Variants in TNPO3 observed in about 807,000 individuals in gnomAD.
The protein encoded by TNPO3 is transportin-3.
Under a neutral mutation model 122.8 loss-of-function variants are expected in TNPO3, and 65 were observed. That is an observed-to-expected ratio of 0.53 (90% confidence interval 0.43 to 0.65). The LOEUF is 0.65. Ranked by LOEUF, TNPO3 falls within the 30% of genes least tolerant of loss-of-function variation. The probability of loss-of-function intolerance (pLI) is 0.00; values close to 1 mark genes in which losing one functional copy is unlikely to be tolerated. For missense variants in TNPO3, 850 were observed against 1,136.7 expected (o/e 0.75, Z 3.63); for synonymous variants, 372 against 411.2 (o/e 0.90, Z 1.15).
intron 1 of TNPO3, among the ~76,000 whole-genome samples, chr7:129,054,078 T>C (rs992682934): frequency 5.3e-5 from 8 of 152,196 alleles, no homozygotes; most frequent in African/African-American, 1.9e-4. Context: ...GAAAGCAGAA[T>C]TACTGTTTTT....
chr7:128,989,856 C>T (rs528882879), intron 11 of TNPO3, 105 bp downstream of exon 11: 66 of 1,271,802 alleles, frequency 5.2e-5, no homozygotes, highest in South Asian at 3.7e-4. Context: ...ATAAACACTC[C>T]GTGTTAAAAA....
intron 1 of TNPO3, among the ~76,000 whole-genome samples, chr7:129,036,135 A>G (rs536158295): frequency 2.0e-5 from 3 of 151,490 alleles, no homozygotes; most frequent in Non-Finnish European, 4.4e-5. Flanking sequence ...TGTATTTTTA[A>G]TAGAGACGGG....
chr7:129,013,434 C>CAAAAA lies in TNPO3; in HGVS notation c.552+1540_552+1544dup, dbSNP rs3993440. Among the ~76,000 whole-genome samples the CAAAAA allele has an allele frequency of 7.7e-3, 984 of 127,668 alleles. 3 individuals are homozygous for CAAAAA. The highest frequency in any genetic ancestry group is 0.012 in the Middle Eastern group (3 of 252). 83.8% of individuals were successfully genotyped at this position (127,668 alleles called of 152,430 possible). ...AATATATAAGAAACCCAAATAATAG[C>CAAAAA]AAAAAAAAAAAAAAATTAAAAATTA... On this transcript the variant is annotated intron_variant, in intron 4 of 22. Transcript: ENST00000265388.
chr7:128,972,405 T>C (rs1205748807), intron 19 of TNPO3, 21 bp downstream of exon 19: 7 of 1,598,068 alleles, frequency 4.4e-6, no homozygotes, highest in Non-Finnish European at 5.1e-6. Flanking sequence ...TAAGTAGAAA[T>C]GGTATCATTT....
chr7:128,958,804 T>C (rs1797159629), intron 21 of TNPO3, among the ~76,000 whole-genome samples: 1 of 152,148 alleles, frequency 6.6e-6, no homozygotes, highest in South Asian at 2.1e-4. Flanking sequence ...CAGTGGCTCA[T>C]GCTTGTAATC....
chr7:129,027,515 C>T (rs925957747), intron 1 of TNPO3, among the ~76,000 whole-genome samples: 62 of 117,628 alleles, frequency 5.3e-4, no homozygotes, highest in African/African-American at 1.9e-3. Context: ...GAGCCAAGAA[C>T]ACACTACTGC....
At chr7:129,052,972 C>T (rs182097475) in intron 1 of TNPO3, among the ~76,000 whole-genome samples, 12 of 152,108 alleles carry the variant, frequency 7.9e-5, no homozygotes, top group Non-Finnish European at 1.6e-4. Context: ...TACAGTGAGT[C>T]GTATTCCTTT....
intron 1 of TNPO3, among the ~76,000 whole-genome samples, chr7:129,043,494 G>A (rs549162596): frequency 2.0e-5 from 3 of 152,258 alleles, no homozygotes; most frequent in East Asian, 3.9e-4. Context: ...CGGATTCTTT[G>A]AAATCCCAGA....
At position 129,054,826 on chromosome 7, in the gene TNPO3, C is replaced by G; in HGVS notation, c.-56G>C. On this transcript the variant is annotated 5_prime_UTR_variant, in exon 1 of 23. Transcript: ENST00000265388. ...TCTGATTCTTCTCCGGAGGATTCCTCGGTTGCTCCGCCTTCGCGCTTCCTC... is the reference window on the plus strand; with the variant it reads ...TCTGATTCTTCTCCGGAGGATTCCTGGGTTGCTCCGCCTTCGCGCTTCCTC... 1.2e-6 allele frequency: 2 copies of G among 1,610,306 alleles called. No individual in the cohort carries two copies. The highest frequency in any genetic ancestry group is 1.7e-6 in the Non-Finnish European group (2 of 1,178,202).
chr7:128,980,058 G>A, intron 14 of TNPO3, 27 bp from the exon 15 acceptor site: 1 of 1,610,690 alleles, frequency 6.2e-7, no homozygotes, highest in Non-Finnish European at 8.5e-7. Flanking sequence ...GCCCAAAATA[G>A]TGAACAAAGA....
intron 1 of TNPO3, among the ~76,000 whole-genome samples, chr7:129,045,115 T>G (rs1051449513): frequency 1.3e-5 from 2 of 152,204 alleles, no homozygotes; most frequent in Non-Finnish European, 2.9e-5. Flanking sequence ...GGCTAAATAC[T>G]GTATGATTCC....
chr7:129,046,144 C>G (rs1808012902), intron 1 of TNPO3, among the ~76,000 whole-genome samples: 2 of 122,476 alleles, frequency 1.6e-5, no homozygotes, highest in Admixed American at 1.1e-4. Flanking sequence ...TGCAGTGAGC[C>G]AAGATTGCAC....
chr7:128,967,686 T>C (rs1798057766), intron 20 of TNPO3, among the ~76,000 whole-genome samples: 1 of 152,238 alleles, frequency 6.6e-6, no homozygotes, highest in Admixed American at 6.5e-5. Context: ...GCTATTGTTT[T>C]GTTCCTGTCA....
chr7:128,991,922 T>G, intron 10 of TNPO3, 77 bp downstream of exon 10: 1 of 1,041,702 alleles, frequency 9.6e-7, no homozygotes, highest in Non-Finnish European at 1.4e-6. Context: ...ATATACCATA[T>G]AAGAAAAAAA....
In TNPO3 at chr7:128,991,917, C is replaced by A. The variant is rs991077310; in HGVS notation, c.1358+82G>T. 6.4e-6 allele frequency: 6 copies of A among 940,584 alleles called. No individual in the cohort carries two copies. The African/African-American group carries it at 8.5e-5, about 13-fold the overall frequency. The allele number at this position is 940,584 out of a possible 1,614,324, so 58.3% of individuals were successfully genotyped here. ...AGTTCTGAAAGTCTCCAGGTATATACCATATAAGAAAAAAAAAATAGTGTC... is the reference window on the plus strand; with the variant it reads ...AGTTCTGAAAGTCTCCAGGTATATAACATATAAGAAAAAAAAAATAGTGTC... On this transcript the variant is annotated intron_variant, in intron 10 of 22. Transcript: ENST00000265388.
Position 128,974,945 on chromosome 7 carries a change from G to A in TNPO3, c.2196C>T (p.Thr732=), listed in dbSNP as rs758436476. 4 of 1,614,170 alleles carry A rather than the reference G, an allele frequency of 2.5e-6. No individual in the cohort carries two copies. In the East Asian group the frequency reaches 6.7e-5, roughly 27 times the overall value. ...LDMLQALCIP[T]FQLLEQQNGL... ...CATTCTGCTGTTCTAGGAGCTGAAA[G>A]GTGGGGATGCACAGTGCCTAAAACA... The change falls in exon 18 of 23, where the codon ACC becomes ACT. Residue 732 remains threonine (T), a synonymous_variant. Coordinates refer to ENST00000265388, the MANE Select transcript of TNPO3 (RefSeq NM_012470.4).
chr7:129,054,853 CTG>C lies in TNPO3; in HGVS notation c.-85_-84del. On this transcript the variant is annotated 5_prime_UTR_variant, in exon 1 of 23. It removes the in-frame stop codon of an upstream open reading frame in the 5' UTR. Transcript: ENST00000265388. Reference sequence around the variant, plus strand: ...GTTGCTCCGCCTTCGCGCTTCCTCACTGTCTGGGCCACGGCCGCTCCCTGACT... The same window carrying C: ...GTTGCTCCGCCTTCGCGCTTCCTCACTCTGGGCCACGGCCGCTCCCTGACT... 1 of 1,587,864 alleles carries C rather than the reference CTG, an allele frequency of 6.3e-7. No homozygotes were observed. The highest frequency in any genetic ancestry group is 8.6e-7 in the Non-Finnish European group (1 of 1,163,568).
intron 1 of TNPO3, among the ~76,000 whole-genome samples, chr7:129,038,499 T>C (rs1210573050): frequency 1.3e-5 from 2 of 152,166 alleles, no homozygotes; most frequent in Non-Finnish European, 2.9e-5. Flanking sequence ...CAAAGGAATA[T>C]AAATTGTTCT....
At chr7:128,980,787 C>T (rs1799551943) in intron 14 of TNPO3, among the ~76,000 whole-genome samples, 1 of 152,194 alleles carries the variant, frequency 6.6e-6, no homozygotes, top group Non-Finnish European at 1.5e-5. Flanking sequence ...AAAATATACA[C>T]AGGTTGTCTA....
Sources: gnomAD v4.1 joint callset for allele counts (sites outside exome capture counted in the v4.1 genomes callset) on GRCh38, gnomAD v4.1.1 for gene constraint, MANE v1.5 for transcripts, NCBI Gene and HGNC (gene_info 2026-07-23, HGNC 2026-07-21) for gene names.